Variants in PRRX2 observed in about 807,000 individuals in gnomAD.
PRRX2 encodes paired mesoderm homeobox protein 2.
PRRX2 carries 11 observed loss-of-function variants against 18.0 expected under a neutral mutation model. The observed-to-expected ratio is 0.61, with a 90% CI of 0.39 to 1.01. PRRX2 has a LOEUF of 1.01. PRRX2 is among the 50% of genes least tolerant of loss of function. The pLI is 0.01. For missense variants in PRRX2, 387 were observed against 351.0 expected (o/e 1.10, Z -0.82); for synonymous variants, 177 against 154.8 (o/e 1.14, Z -1.06).
chr9:129,699,746 G>T (rs1832471559), intron 1 of PRRX2, among the ~76,000 whole-genome samples: 1 of 152,184 alleles, frequency 6.6e-6, no homozygotes, highest in Non-Finnish European at 1.5e-5. Flanking sequence ...AGCTTTCTGG[G>T]AAGCATCCAC....
At chr9:129,717,695 C>CAAAA (rs568330077) in intron 1 of PRRX2, among the ~76,000 whole-genome samples, 1 of 82,512 alleles carries the variant, frequency 1.2e-5, no homozygotes, top group Non-Finnish European at 2.6e-5. Flanking sequence ...GACTCCGCCT[C>CAAAA]AAAAAAAAAA....
At chr9:129,721,232 C>G (rs1172610935) in intron 3 of PRRX2, among the ~76,000 whole-genome samples, 1 of 152,304 alleles carries the variant, frequency 6.6e-6, no homozygotes, top group South Asian at 2.1e-4. Flanking sequence ...TGTGTCCACC[C>G]TCCAGACGAG....
intron 1 of PRRX2, among the ~76,000 whole-genome samples, chr9:129,684,427 A>ACAC (rs1440354447): frequency 1.3e-4 from 11 of 82,926 alleles, no homozygotes; most frequent in Non-Finnish European, 2.8e-4. Context: ...ACACAGATAC[A>ACAC]ACACACACAC....
Position 129,675,636 on chromosome 9 carries a change from C to A in PRRX2, c.259+9510C>A, listed in dbSNP as rs998952529. On this transcript the variant is annotated intron_variant, in intron 1 of 3. Transcript: ENST00000372469. The surrounding 1 kb of genome is among the most constrained non-coding windows in gnomAD (Gnocchi z 4.4). Reference sequence around the variant, plus strand: ...CCACCCCCGCCTCCCTGTCTGTCCTCCCCCACTGCCGGTCTCCCCCTCGCT... The same window carrying A: ...CCACCCCCGCCTCCCTGTCTGTCCTACCCCACTGCCGGTCTCCCCCTCGCT... Among the ~76,000 whole-genome samples the A allele has an allele frequency of 1.8e-4, 27 of 151,798 alleles. No homozygotes were observed. Among genetic ancestry groups the A allele is most frequent in the African/African-American group, 6.5e-4 (27 of 41,388 alleles).
intron 1 of PRRX2, among the ~76,000 whole-genome samples, chr9:129,680,592 T>C (rs1186625119): frequency 6.7e-6 from 1 of 149,066 alleles, no homozygotes; most frequent in African/African-American, 2.5e-5. Flanking sequence ...GAAGGGGAGC[T>C]GAGATTAGGA....
At chr9:129,683,800 G>A (rs530864919) in intron 1 of PRRX2, among the ~76,000 whole-genome samples, 11 of 152,314 alleles carry the variant, frequency 7.2e-5, no homozygotes, top group African/African-American at 2.2e-4. Flanking sequence ...AAATTCCACC[G>A]AAGAGAAGCA....
intron 1 of PRRX2, among the ~76,000 whole-genome samples, chr9:129,717,987 A>G (rs568856686): frequency 2.0e-5 from 3 of 152,232 alleles, no homozygotes; most frequent in South Asian, 4.1e-4. Flanking sequence ...GGAGTGGACA[A>G]TAGGCTGAGC....
At chr9:129,668,212 C>T (rs983842756) in intron 1 of PRRX2, among the ~76,000 whole-genome samples, 3 of 152,214 alleles carry the variant, frequency 2.0e-5, no homozygotes, top group South Asian at 2.1e-4. Context: ...GCGGCCCCAC[C>T]ACTGCCACTT....
At position 129,678,050 on chromosome 9, in the gene PRRX2, G is replaced by A. The variant is rs1039243689; in HGVS notation, c.259+11924G>A. ...GCAATCTCGGCTCGCTACAACCTCC[G>A]CCTCCAGGGTTCAGGTGATTGTCCT... is the stretch of plus-strand genomic sequence containing the variant. On this transcript the variant is annotated intron_variant, in intron 1 of 3. Coordinates refer to ENST00000372469, the MANE Select transcript of PRRX2 (RefSeq NM_016307.4). 3.6e-5 allele frequency among the ~76,000 whole-genome samples: 5 copies of A among 137,916 alleles called. No homozygotes were observed. In the East Asian group the frequency reaches 6.7e-4, roughly 19 times the overall value. 90.5% of individuals were successfully genotyped at this position (137,916 alleles called of 152,430 possible).
At chr9:129,687,395 T>C (rs1303753297) in intron 1 of PRRX2, among the ~76,000 whole-genome samples, 1 of 152,196 alleles carries the variant, frequency 6.6e-6, no homozygotes, top group African/African-American at 2.4e-5. Flanking sequence ...TCCTGCCACC[T>C]GACCACCTTC....
rs756760982 is a variant in PRRX2 at position 129,684,502 on chromosome 9, ACACACACACACACACACACACC to A, written c.259+18386_259+18407del. On this transcript the variant is annotated intron_variant, in intron 1 of 3. Transcript: ENST00000372469. Reference sequence around the variant, plus strand: ...AGAAATCACACACACACACACACACACACACACACACACACACACACCCACACACACCCCAACAGAAAAGAGA... The same window carrying A: ...AGAAATCACACACACACACACACACACACACACACCCCAACAGAAAAGAGA... Among the ~76,000 whole-genome samples the A allele has an allele frequency of 5.4e-3, 450 of 83,048 alleles. 6 individuals carry two copies. Among genetic ancestry groups the A allele is most frequent in the East Asian group, 0.018 (79 of 4,352 alleles). 54.5% of individuals were successfully genotyped at this position (83,048 alleles called of 152,430 possible).
chr9:129,684,254 A>G (rs1444235525), intron 1 of PRRX2, among the ~76,000 whole-genome samples: 2 of 152,150 alleles, frequency 1.3e-5, no homozygotes, highest in African/African-American at 4.8e-5. Context: ...GGTCCCAGCT[A>G]GCTTAAGCAA....
In PRRX2 at chr9:129,711,352, G is replaced by T. The variant is rs540007132; in HGVS notation, c.260-7879G>T. On this transcript the variant is annotated intron_variant, in intron 1 of 3. Transcript: ENST00000372469. ...CCAGCCGTGTTGGGTTGTTATGAGG[G>T]TTAAATGAGGTAGATCCTGTTATTC... is the stretch of plus-strand genomic sequence containing the variant. Among the ~76,000 whole-genome samples the T allele has an allele frequency of 2.0e-5, 3 of 150,296 alleles. No individual in the cohort carries two copies. In the East Asian group the frequency reaches 5.8e-4, roughly 29 times the overall value.
chr9:129,694,856 T>C (rs1185621368), intron 1 of PRRX2, among the ~76,000 whole-genome samples: 1 of 152,144 alleles, frequency 6.6e-6, no homozygotes, highest in Non-Finnish European at 1.5e-5. Flanking sequence ...CACTATGATG[T>C]GTGCCATGAC....
intron 3 of PRRX2, among the ~76,000 whole-genome samples, chr9:129,721,397 C>T (rs1399816747): frequency 6.6e-6 from 1 of 152,108 alleles, no homozygotes; most frequent in Non-Finnish European, 1.5e-5. Context: ...CCACCATACC[C>T]CACAGCTCCA....
chr9:129,712,363 G>A (rs1477234355), intron 1 of PRRX2, among the ~76,000 whole-genome samples: 1 of 152,220 alleles, frequency 6.6e-6, no homozygotes, highest in Non-Finnish European at 1.5e-5. Context: ...AGGCAGGAAC[G>A]AAGAGGCTGA....
chr9:129,667,592 G>A (rs564389439), intron 1 of PRRX2, among the ~76,000 whole-genome samples: 164 of 152,210 alleles, frequency 1.1e-3, no homozygotes, highest in African/African-American at 3.6e-3. Flanking sequence ...GAAGAGGAAG[G>A]AAGGGAGAGG....
intron 1 of PRRX2, among the ~76,000 whole-genome samples, chr9:129,693,791 A>C (rs550559963): frequency 6.6e-6 from 1 of 152,314 alleles, no homozygotes; most frequent in South Asian, 2.1e-4. Context: ...TGGCAATGCC[A>C]CATTGCTGCT....
chr9:129,679,866 G>A (rs540069393), intron 1 of PRRX2, among the ~76,000 whole-genome samples: 7 of 152,280 alleles, frequency 4.6e-5, no homozygotes, highest in African/African-American at 1.4e-4. Flanking sequence ...CAGGGCCTCC[G>A]TTTCCCAGGG....
Sources: allele counts gnomAD v4.1 joint callset (sites outside exome capture counted in the v4.1 genomes callset), GRCh38; gene constraint gnomAD v4.1.1; non-coding constraint Gnocchi (gnomAD v3.1); transcripts MANE v1.5; gene names NCBI Gene and HGNC (gene_info 2026-07-23, HGNC 2026-07-21).